The following NBEA variants were observed in gnomAD, a reference collection of about 807,000 sequenced individuals.
The protein encoded by NBEA is lysosomal-trafficking regulator 2.
Under a neutral mutation model 343.4 loss-of-function variants are expected in NBEA, and 44 were observed. The observed-to-expected ratio is 0.13, with a 90% confidence interval of 0.10 to 0.16. The LOEUF (loss-of-function observed/expected upper bound fraction) is 0.16, where lower values mean the gene tolerates loss of function less well. NBEA is among the 10% of genes least tolerant of loss of function. NBEA has a pLI of 1.00. For missense variants in NBEA, 2,555 were observed against 3,631.3 expected, an observed-to-expected ratio of 0.70 and a Z score of 7.62; for synonymous variants, 1,175 against 1,238.7, an observed-to-expected ratio of 0.95 and a Z score of 1.08.
At chr13:34,985,524 G>C (rs1041775882) in intron 1 of NBEA, among the ~76,000 whole-genome samples, 35 of 150,948 alleles carry the variant, frequency 2.3e-4, no homozygotes, top group African/African-American at 7.5e-4. Context: ...CTCTGAACAG[G>C]CTTTGGTATC....
rs2083305987 is a variant in NBEA, at chr13:35,628,196, C to T, written c.7565C>T (p.Thr2522Ile). The T allele has an allele frequency of 1.2e-6, 2 of 1,613,046 alleles. No homozygotes were observed. The highest frequency in any genetic ancestry group is 8.5e-7 in the Non-Finnish European group (1 of 1,179,440). Residue 2522 changes from threonine to isoleucine, a missense_variant, in exon 49 of 59, where the codon ACT becomes ATT. Around this residue, in one of 21 missense-constraint regions of NBEA, gnomAD observed 87 missense variants for 75.0 expected, o/e 1.16. Transcript: ENST00000379939. ...GCTCTGAATGTTTTTCACTACTTGA[C>T]TTATGAAGGCTCTGTGAACCTGGAT... ...VRALNVFHYLTYEGSVNLDSI... is the reference protein window; with the variant it reads ...VRALNVFHYLIYEGSVNLDSI...
In NBEA at chr13:35,605,249, G is replaced by A. The variant is rs573971453; in HGVS notation, c.7297-1177G>A. Among the ~76,000 whole-genome samples the A allele has an allele frequency of 2.6e-5, 4 of 152,178 alleles. No individual in the cohort carries two copies. The East Asian group carries it at 7.7e-4, about 29-fold the overall frequency. On this transcript the variant is annotated intron_variant, in intron 47 of 58. Coordinates refer to ENST00000379939, the MANE Select transcript of NBEA (RefSeq NM_001385012.1). ...AAATGAACATTTATATTTTTCTTATGGCTCACAGTGATCATCATAAGAGTA... is the reference window on the plus strand; with the variant it reads ...AAATGAACATTTATATTTTTCTTATAGCTCACAGTGATCATCATAAGAGTA...
intron 29 of NBEA, among the ~76,000 whole-genome samples, chr13:35,183,577 T>C (rs1192893143): frequency 2.0e-5 from 3 of 152,056 alleles, no homozygotes; most frequent in Admixed American, 2.0e-4. Flanking sequence ...TATAATATAC[T>C]TTTGCTTTTA....
At position 34,993,178 on chromosome 13, in the gene NBEA, C is replaced by T. The variant is rs189705673; in HGVS notation, c.295-47755C>T. The stretch of plus-strand genomic sequence containing the variant: ...CCCTGTTATTTCTGCTTTAATTTCT[C>T]CTCTTCATTTCTCGTTCATCTTCCT... On this transcript the variant is annotated intron_variant, in intron 1 of 58. Coordinates refer to ENST00000379939, the MANE Select transcript of NBEA (RefSeq NM_001385012.1). 5.3e-5 allele frequency among the ~76,000 whole-genome samples: 8 copies of T among 152,266 alleles called. No individual in the cohort carries two copies. The East Asian group carries it at 1.5e-3, about 29-fold the overall frequency.
intron 1 of NBEA, among the ~76,000 whole-genome samples, chr13:35,030,499 C>T (rs1362098352): frequency 6.6e-6 from 1 of 151,564 alleles, no homozygotes; most frequent in Non-Finnish European, 1.5e-5. Context: ...AGTCTTGTTG[C>T]TTAACCTCAC....
At chr13:35,418,497 G>A (rs911249531) in intron 38 of NBEA, among the ~76,000 whole-genome samples, 1 of 151,976 alleles carries the variant, frequency 6.6e-6, no homozygotes, top group Non-Finnish European at 1.5e-5. Flanking sequence ...GGAAATGCAT[G>A]ATGTTGTTTT....
At chr13:35,320,229 G>A (rs1304602879) in intron 36 of NBEA, among the ~76,000 whole-genome samples, 1 of 152,160 alleles carries the variant, frequency 6.6e-6, no homozygotes, top group Non-Finnish European at 1.5e-5. Context: ...TGCAGTGGCT[G>A]GTACCAGTTT....
In NBEA at chr13:35,208,861, T is replaced by C; in HGVS notation, c.5521+7T>C. ...AGTATGATTAATACAACAGGTATTG[T>C]ACTTACATATTTTTGTGATACTCAT... On this transcript the variant is annotated splice_region_variant and intron_variant, in intron 32 of 58. Transcript: ENST00000379939. 6.6e-7 allele frequency: 1 copy of C among 1,518,362 alleles called. No homozygotes were observed. Among genetic ancestry groups the C allele is most frequent in the Non-Finnish European group, 8.9e-7 (1 of 1,121,760 alleles). 94.1% of individuals were successfully genotyped at this position (1,518,362 alleles called of 1,614,324 possible).
chr13:35,652,439 G>A (rs2084574720), intron 53 of NBEA, among the ~76,000 whole-genome samples: 1 of 151,080 alleles, frequency 6.6e-6, no homozygotes, highest in Non-Finnish European at 1.5e-5. Context: ...AGGAGATCGA[G>A]ACCATCCTGG....
intron 18 of NBEA, among the ~76,000 whole-genome samples, chr13:35,145,976 A>G (rs1031370203): frequency 2.0e-5 from 3 of 152,134 alleles, no homozygotes; most frequent in African/African-American, 7.2e-5. Context: ...TTGAGGAGAT[A>G]TTGATGCTTA....
intron 34 of NBEA, among the ~76,000 whole-genome samples, chr13:35,235,684 T>C (rs1412820492): frequency 6.6e-6 from 1 of 152,208 alleles, no homozygotes; most frequent in Non-Finnish European, 1.5e-5. Context: ...GTGTAGTTAT[T>C]TCCCAGAATC....
chr13:35,563,151 A>C lies in NBEA; in HGVS notation c.6923-3754A>C, dbSNP rs913300659. Among the ~76,000 whole-genome samples, 6 of 105,336 alleles carry C rather than the reference A, an allele frequency of 5.7e-5. No homozygotes were observed. The East Asian group carries it at 1.3e-3, about 23-fold the overall frequency. 69.1% of individuals were successfully genotyped at this position (105,336 alleles called of 152,430 possible). On this transcript the variant is annotated intron_variant, in intron 44 of 58. Coordinates refer to ENST00000379939, the MANE Select transcript of NBEA (RefSeq NM_001385012.1). Reference sequence around the variant, plus strand: ...TGTGTGGAGATAGATAGATAGATAGATAGATAGATAGATAGATAGATAGAT... The same window carrying C: ...TGTGTGGAGATAGATAGATAGATAGCTAGATAGATAGATAGATAGATAGAT...
intron 24 of NBEA, chr13:35,165,105 C>T (rs746156504): frequency 3.2e-5 from 17 of 533,782 alleles, no homozygotes; most frequent in African/African-American, 2.9e-4. Flanking sequence ...TTCTTGTTGC[C>T]GTATTAGAAA....
intron 49 of NBEA, among the ~76,000 whole-genome samples, chr13:35,643,143 AT>A (rs1253705261): frequency 1.3e-5 from 2 of 151,662 alleles, no homozygotes; most frequent in Admixed American, 6.6e-5. Flanking sequence ...AAATTTCTAT[AT>A]GGTAGAAAAC....
At chr13:35,392,223 A>G (rs981838240) in intron 38 of NBEA, among the ~76,000 whole-genome samples, 3 of 150,808 alleles carry the variant, frequency 2.0e-5, no homozygotes, top group African/African-American at 7.5e-5. Context: ...AAATGAAAGC[A>G]AAAGAAAAGA....
intron 13 of NBEA, among the ~76,000 whole-genome samples, chr13:35,116,096 C>CTA (rs2066480102): frequency 6.6e-6 from 1 of 152,066 alleles, no homozygotes. Flanking sequence ...AGGATGGGAC[C>CTA]ACAATCAGTT....
intron 41 of NBEA, among the ~76,000 whole-genome samples, chr13:35,518,852 C>T (rs2077587287): frequency 6.6e-6 from 1 of 152,096 alleles, no homozygotes; most frequent in Non-Finnish European, 1.5e-5. Flanking sequence ...TTGCAGGATA[C>T]CTCATAGAGG....
At chr13:35,608,659 A>G (rs949922160) in intron 48 of NBEA, among the ~76,000 whole-genome samples, 4 of 152,330 alleles carry the variant, frequency 2.6e-5, no homozygotes, top group African/African-American at 7.2e-5. Context: ...CATATAGTCT[A>G]TTAAGTCCAA....
At chr13:35,476,942 G>A in intron 41 of NBEA, 1 of 471,260 alleles carries the variant, frequency 2.1e-6, no homozygotes, top group East Asian at 1.5e-4. Flanking sequence ...TTGACGTTTT[G>A]AAAAGACTTG....
Sources: allele counts gnomAD v4.1 joint callset (sites outside exome capture counted in the v4.1 genomes callset), GRCh38; gene constraint gnomAD v4.1.1; regional missense constraint gnomAD v4.1.1; transcripts MANE v1.5; gene names NCBI Gene and HGNC (gene_info 2026-07-23, HGNC 2026-07-21).